PTPRD: variants seen among roughly 807,000 people sequenced by gnomAD.
The protein encoded by PTPRD is protein tyrosine phosphatase receptor type D, also known as receptor-type tyrosine-protein phosphatase delta.
In PTPRD, 34 loss-of-function variants were observed where a neutral mutation model predicts 214.5. That is an observed-to-expected ratio of 0.16 (90% CI 0.12 to 0.21). PTPRD has a LOEUF of 0.21. PTPRD is among the 10% of genes least tolerant of loss of function. The pLI, the probability that PTPRD is intolerant of heterozygous loss-of-function variation, is 1.00. For synonymous variants in PTPRD, 1,128 were observed against 845.7 expected, an observed-to-expected ratio of 1.33 and a Z score of -5.79; for missense variants, 2,545 against 2,398.7, an observed-to-expected ratio of 1.06 and a Z score of -1.27.
intron 3 of PTPRD, among the ~76,000 whole-genome samples, chr9:10,217,662 C>G (rs568511848): frequency 6.6e-6 from 1 of 151,942 alleles, no homozygotes; most frequent in Non-Finnish European, 1.5e-5. Context: ...ACTAAACCAT[C>G]TAAAGCTCCT....
In PTPRD at chr9:8,540,662, AT is replaced by A. The variant is rs548387039; in HGVS notation, c.353-11884del. 2.0e-5 allele frequency among the ~76,000 whole-genome samples: 3 copies of A among 152,106 alleles called. No individual in the cohort carries two copies. The South Asian group carries it at 6.2e-4, about 31-fold the overall frequency. ...GAATAGCTTCAGAAATCCAAATGTT[AT>A]TTTTTTAAGCCAAACTTTCAAAAAT... On this transcript the variant is annotated intron_variant, in intron 14 of 45. Coordinates refer to ENST00000381196, the MANE Select transcript of PTPRD (RefSeq NM_002839.4).
chr9:9,433,150 C>T (rs1158061832), intron 8 of PTPRD, among the ~76,000 whole-genome samples: 3 of 152,184 alleles, frequency 2.0e-5, no homozygotes, highest in Admixed American at 1.3e-4. Flanking sequence ...TCAAAGCAAA[C>T]ACATGCTTTA....
intron 7 of PTPRD, among the ~76,000 whole-genome samples, chr9:9,670,764 C>A (rs560755024): frequency 5.9e-5 from 9 of 152,254 alleles, no homozygotes; most frequent in South Asian, 2.1e-4. Context: ...GTTGAGCCTG[C>A]GGGTGCACAG....
At chr9:9,527,472 T>C (rs1451745830) in intron 8 of PTPRD, among the ~76,000 whole-genome samples, 3 of 152,160 alleles carry the variant, frequency 2.0e-5, no homozygotes, top group African/African-American at 7.2e-5. Flanking sequence ...GAAAATAATA[T>C]ATGTTTTAAA....
intron 2 of PTPRD, among the ~76,000 whole-genome samples, chr9:10,449,234 T>C (rs1028473443): frequency 6.6e-6 from 1 of 151,750 alleles, no homozygotes; most frequent in Admixed American, 6.6e-5. Flanking sequence ...GGAGACGAGG[T>C]TTCGCCGCGT....
intron 2 of PTPRD, among the ~76,000 whole-genome samples, chr9:10,461,596 T>C (rs1376671738): frequency 6.6e-6 from 1 of 151,880 alleles, no homozygotes; most frequent in Non-Finnish European, 1.5e-5. Context: ...AAAAACATGT[T>C]GCATGATCTT....
chr9:10,603,026 A>C (rs1431630197), intron 2 of PTPRD, among the ~76,000 whole-genome samples: 3 of 151,798 alleles, frequency 2.0e-5, no homozygotes, highest in African/African-American at 7.2e-5. Context: ...GCTTTTGGTC[A>C]TGGATTATCA....
intron 8 of PTPRD, among the ~76,000 whole-genome samples, chr9:9,514,109 T>G (rs2096777578): frequency 6.6e-6 from 1 of 152,054 alleles, no homozygotes; most frequent in Non-Finnish European, 1.5e-5. Context: ...TGTGAAAATG[T>G]TGTTGCCCCC....
At chr9:9,616,216 G>T (rs187472471) in intron 7 of PTPRD, among the ~76,000 whole-genome samples, 30 of 152,204 alleles carry the variant, frequency 2.0e-4, no homozygotes, top group African/African-American at 7.2e-4. Flanking sequence ...ATGAAATGAT[G>T]ATTTTCTTTT....
At chr9:9,918,016 C>G (rs1391547150) in intron 5 of PTPRD, among the ~76,000 whole-genome samples, 1 of 151,912 alleles carries the variant, frequency 6.6e-6, no homozygotes, top group African/African-American at 2.4e-5. Context: ...AAAGACAACT[C>G]TCACCTGTCT....
chr9:8,394,286 G>C (rs1331875537), intron 36 of PTPRD, among the ~76,000 whole-genome samples: 1 of 152,044 alleles, frequency 6.6e-6, no homozygotes, highest in Non-Finnish European at 1.5e-5. Flanking sequence ...TGTTTACAAT[G>C]ATGAGGGGTT....
chr9:10,153,014 T>C (rs1271191403), intron 3 of PTPRD, among the ~76,000 whole-genome samples: 3 of 152,170 alleles, frequency 2.0e-5, no homozygotes. Context: ...CAGGGGCTGA[T>C]GGGTGAGGAA....
intron 10 of PTPRD, among the ~76,000 whole-genome samples, chr9:9,019,309 AAAG>A (rs2099551653): frequency 1.0e-4 from 11 of 107,788 alleles, no homozygotes; most frequent in African/African-American, 4.2e-4. Flanking sequence ...AGAAAGAAAG[AAAG>A]AAAGAAAGAA....
intron 5 of PTPRD, among the ~76,000 whole-genome samples, chr9:9,895,208 G>A (rs1035554983): frequency 4.6e-5 from 7 of 151,854 alleles, no homozygotes; most frequent in South Asian, 2.1e-4. Flanking sequence ...AGTTCAAGAA[G>A]AAATATACAT....
intron 10 of PTPRD, among the ~76,000 whole-genome samples, chr9:9,165,859 C>G (rs751556456): frequency 1.2e-4 from 18 of 152,024 alleles, no homozygotes; most frequent in African/African-American, 3.9e-4. Context: ...ATAGATATAG[C>G]AACATATGTA....
chr9:8,321,527 A>G (rs954678891), intron 44 of PTPRD, among the ~76,000 whole-genome samples: 2 of 111,544 alleles, frequency 1.8e-5, no homozygotes, highest in South Asian at 3.5e-4. Flanking sequence ...ATATATATAT[A>G]AAAGGTATAT....
intron 8 of PTPRD, among the ~76,000 whole-genome samples, chr9:9,449,317 A>T (rs1200227073): frequency 6.6e-6 from 1 of 152,124 alleles, no homozygotes; most frequent in Admixed American, 6.6e-5. Context: ...AGATTATCTC[A>T]AACATTATTA....
chr9:8,632,199 A>G (rs535944911), intron 14 of PTPRD, among the ~76,000 whole-genome samples: 1 of 151,262 alleles, frequency 6.6e-6, no homozygotes, highest in Non-Finnish European at 1.5e-5. Context: ...TTTGACCTAC[A>G]TTACTAATTA....
At chr9:9,943,713 T>C (rs1276584171) in intron 4 of PTPRD, among the ~76,000 whole-genome samples, 2 of 152,138 alleles carry the variant, frequency 1.3e-5, no homozygotes, top group African/African-American at 2.4e-5. Flanking sequence ...CAGAAGCTAA[T>C]TGTGCAGTTC....
Sources: gnomAD v4.1 joint callset for allele counts (sites outside exome capture counted in the v4.1 genomes callset) on GRCh38, gnomAD v4.1.1 for gene constraint, MANE v1.5 for transcripts, NCBI Gene and HGNC (gene_info 2026-07-23, HGNC 2026-07-21) for gene names.